The following SGCD variants were observed in gnomAD, a reference collection of about 807,000 sequenced individuals.
The protein encoded by SGCD is delta-sarcoglycan.
A neutral mutation model predicts 36.6 loss-of-function variants in SGCD; 18 were observed. That is an observed-to-expected ratio of 0.49 (90% CI 0.34 to 0.73). The LOEUF (loss-of-function observed/expected upper bound fraction) is 0.73. SGCD is among the 30% of genes least tolerant of loss of function. The pLI is 0.01. For missense variants in SGCD, 387 were observed against 346.7 expected (o/e 1.12, Z -0.92); for synonymous variants, 133 against 130.6 (o/e 1.02, Z -0.12).
chr5:156,220,431 C>A (rs1222474799), intron 3 of SGCD, among the ~76,000 whole-genome samples: 1 of 152,116 alleles, frequency 6.6e-6, no homozygotes, highest in African/African-American at 2.4e-5. Flanking sequence ...AAATCAAAAT[C>A]TTCAGGTATA....
At chr5:156,580,837 G>A (rs1760224545) in intron 4 of SGCD, among the ~76,000 whole-genome samples, 1 of 152,088 alleles carries the variant, frequency 6.6e-6, no homozygotes. Context: ...CCTTGTGATG[G>A]GTTCGAACAT....
At chr5:155,994,410 A>T (rs1489681690) in intron 1 of SGCD, among the ~76,000 whole-genome samples, 2 of 152,224 alleles carry the variant, frequency 1.3e-5, no homozygotes, top group African/African-American at 4.8e-5. Context: ...TGTCACATTT[A>T]TATTTCACCT....
chr5:156,706,162 ATTATTT>A (rs1174970683), intron 7 of SGCD, among the ~76,000 whole-genome samples: 1 of 152,168 alleles, frequency 6.6e-6, no homozygotes, highest in Non-Finnish European at 1.5e-5. Flanking sequence ...CATAAGGATT[ATTATTT>A]TTAAGGACTT....
At chr5:155,967,611 A>G (rs1182423065) in intron 1 of SGCD, among the ~76,000 whole-genome samples, 1 of 152,068 alleles carries the variant, frequency 6.6e-6, no homozygotes, top group Admixed American at 6.6e-5. Context: ...CTCACTTTTT[A>G]ATACTCCTCT....
chr5:156,117,237 C>T (rs1201958914), intron 1 of SGCD, among the ~76,000 whole-genome samples: 1 of 152,002 alleles, frequency 6.6e-6, no homozygotes, highest in Non-Finnish European at 1.5e-5. Context: ...CACATTGTTG[C>T]CCATATTACT....
chr5:156,279,269 C>G (rs1282377563), intron 3 of SGCD, among the ~76,000 whole-genome samples: 1 of 152,020 alleles, frequency 6.6e-6, no homozygotes, highest in Non-Finnish European at 1.5e-5. Context: ...TAAGAATGTT[C>G]AAAACTATAA....
chr5:156,724,694 A>G (rs1188879844), intron 7 of SGCD, among the ~76,000 whole-genome samples: 1 of 152,230 alleles, frequency 6.6e-6, no homozygotes, highest in Non-Finnish European at 1.5e-5. Context: ...GTTTACAAGT[A>G]TGTGAGTTAA....
intron 3 of SGCD, among the ~76,000 whole-genome samples, chr5:156,238,979 A>C (rs1765233794): frequency 6.6e-6 from 1 of 152,190 alleles, no homozygotes; most frequent in Non-Finnish European, 1.5e-5. Flanking sequence ...TTTTGGACCA[A>C]AGACATTCTG....
chr5:156,439,263 T>C (rs150082411), intron 3 of SGCD, among the ~76,000 whole-genome samples: 2 of 152,254 alleles, frequency 1.3e-5, no homozygotes, highest in African/African-American at 4.8e-5. Context: ...AGTTGCTCTG[T>C]GTAATGCAGC....
At chr5:155,795,855 G>C in the SGCD span, among the ~76,000 whole-genome samples, 1 of 152,054 alleles carries the variant, frequency 6.6e-6, no homozygotes, top group African/African-American at 2.4e-5. Flanking sequence ...TTTAACCCTA[G>C]AAAAGTAGAT....
chr5:156,550,176 A>G (rs985432013), intron 4 of SGCD, among the ~76,000 whole-genome samples: 2 of 152,226 alleles, frequency 1.3e-5, no homozygotes, highest in Non-Finnish European at 2.9e-5. Context: ...TAAACATTTC[A>G]CAAGGTTACA....
the SGCD span, among the ~76,000 whole-genome samples, chr5:155,820,351 G>T: frequency 1.3e-5 from 2 of 152,086 alleles, no homozygotes. Context: ...AGGTGATCAG[G>T]TGATCAATTA....
chr5:156,471,697 A>G (rs1289995286), intron 3 of SGCD, among the ~76,000 whole-genome samples: 3 of 152,136 alleles, frequency 2.0e-5, no homozygotes, highest in East Asian at 1.9e-4. Context: ...TTAAACTGCT[A>G]GAAGAAAACA....
At chr5:155,842,485 G>A in the SGCD span, among the ~76,000 whole-genome samples, 1 of 151,954 alleles carries the variant, frequency 6.6e-6, no homozygotes, top group Middle Eastern at 3.4e-3. Context: ...AGGCAGGAGA[G>A]TTGCTTGAAC....
chr5:156,209,358 T>C (rs1269149482), intron 3 of SGCD, among the ~76,000 whole-genome samples: 1 of 152,310 alleles, frequency 6.6e-6, no homozygotes, highest in East Asian at 1.9e-4. Flanking sequence ...CTAGCTATTA[T>C]GGATACAGGC....
At chr5:156,535,261 A>G (rs549721901) in intron 4 of SGCD, among the ~76,000 whole-genome samples, 4 of 152,334 alleles carry the variant, frequency 2.6e-5, no homozygotes, top group African/African-American at 9.6e-5. Context: ...CAAAATAGAA[A>G]CAAAGCAAAG....
chr5:156,197,039 C>G (rs1764038890), intron 3 of SGCD, among the ~76,000 whole-genome samples: 1 of 152,082 alleles, frequency 6.6e-6, no homozygotes, highest in Admixed American at 6.6e-5. Flanking sequence ...TTCTTAATGG[C>G]CATTGCTTAT....
chr5:156,750,648 G>GA lies in SGCD; in HGVS notation c.576-6919dup, dbSNP rs751263707. On this transcript the variant is annotated intron_variant, in intron 7 of 8. Transcript: ENST00000337851. ...GCAACAAGAGTGAAACTCTGTCTCA[G>GA]AAAAAAAAAAAAAAGAAAAATATAA... 8.9e-3 allele frequency among the ~76,000 whole-genome samples: 898 copies of GA among 100,972 alleles called. 5 individuals carry two copies. Among genetic ancestry groups the GA allele is most frequent in the African/African-American group, 0.023 (620 of 27,088 alleles). 66.2% of individuals were successfully genotyped at this position (100,972 alleles called of 152,430 possible). A position where few individuals can be genotyped will look rare whatever the true frequency, so the allele number is the denominator to read the frequency against.
intron 3 of SGCD, among the ~76,000 whole-genome samples, chr5:156,140,963 G>T (rs572974288): frequency 1.3e-5 from 2 of 152,040 alleles, no homozygotes; most frequent in Admixed American, 6.6e-5. Context: ...TAAGAGGGGG[G>T]GCCCAGGAGG....
Sources: allele counts gnomAD v4.1 joint callset (sites outside exome capture counted in the v4.1 genomes callset), GRCh38; gene constraint gnomAD v4.1.1; transcripts MANE v1.5; gene names NCBI Gene and HGNC (gene_info 2026-07-23, HGNC 2026-07-21).